The following AFG1L variants were observed in gnomAD, a reference collection of about 807,000 sequenced individuals.
AFG1L encodes AFG1-like ATPase.
Under a neutral mutation model 62.2 loss-of-function variants are expected in AFG1L, and 53 were observed. The observed-to-expected ratio is 0.85, with a 90% CI of 0.68 to 1.07. AFG1L has a LOEUF of 1.07. Among genes scored for constraint, AFG1L ranks in the 50% least tolerant of loss-of-function variants. The pLI is 0.00. For missense variants in AFG1L, 555 were observed against 590.5 expected (o/e 0.94, Z 0.62); for synonymous variants, 228 against 210.3 (o/e 1.08, Z -0.73).
At chr6:108,485,660 T>A (rs2355853) in intron 10 of AFG1L, among the ~76,000 whole-genome samples, 793 of 16,806 alleles carry the variant, frequency 0.047, 2 homozygotes, top group Non-Finnish European at 0.06. Flanking sequence ...ATATATATTT[T>A]TTTTTTTTTT....
At chr6:108,318,159 G>T in intron 1 of AFG1L, 1 of 218,180 alleles carries the variant, frequency 4.6e-6, no homozygotes, top group East Asian at 1.2e-4. Flanking sequence ...GCCAAGATCA[G>T]GATAAGAAGG....
chr6:108,489,439 CAT>C (rs1433055381), intron 10 of AFG1L, among the ~76,000 whole-genome samples: 2 of 152,198 alleles, frequency 1.3e-5, no homozygotes, highest in Admixed American at 6.5e-5. Context: ...TACCTGCTAA[CAT>C]AGCAACAACA....
At chr6:108,473,232 G>A (rs1452897649) in intron 8 of AFG1L, among the ~76,000 whole-genome samples, 1 of 152,138 alleles carries the variant, frequency 6.6e-6, no homozygotes, top group Non-Finnish European at 1.5e-5. Flanking sequence ...AGAAAATCAA[G>A]TATTGTAATT....
At chr6:108,466,200 C>T (rs1323082878) in intron 8 of AFG1L, among the ~76,000 whole-genome samples, 1 of 152,150 alleles carries the variant, frequency 6.6e-6, no homozygotes, top group Non-Finnish European at 1.5e-5. Flanking sequence ...TTTTGTATCA[C>T]TGGTGGGAGT....
chr6:108,451,994 C>T (rs994102402), intron 8 of AFG1L, among the ~76,000 whole-genome samples: 1 of 152,110 alleles, frequency 6.6e-6, no homozygotes, highest in Non-Finnish European at 1.5e-5. Context: ...GAATTACAGG[C>T]GTTGAGCCAC....
At chr6:108,345,963 G>C (rs1778847575) in intron 2 of AFG1L, among the ~76,000 whole-genome samples, 1 of 152,180 alleles carries the variant, frequency 6.6e-6, no homozygotes, top group Non-Finnish European at 1.5e-5. Flanking sequence ...TAATTGCTGA[G>C]AATGAACCTA....
At chr6:108,418,500 A>G (rs1770433543) in intron 7 of AFG1L, among the ~76,000 whole-genome samples, 1 of 152,050 alleles carries the variant, frequency 6.6e-6, no homozygotes, top group South Asian at 2.1e-4. Flanking sequence ...TTTTTTTTCT[A>G]TGAAGTATGA....
chr6:108,515,690 C>CA (rs538002209), intron 11 of AFG1L, among the ~76,000 whole-genome samples: 3 of 152,032 alleles, frequency 2.0e-5, no homozygotes, highest in East Asian at 3.9e-4. Context: ...AAAAACCCTT[C>CA]AAAAAATCAA....
chr6:108,470,529 C>T (rs780550193), intron 8 of AFG1L, among the ~76,000 whole-genome samples: 2 of 152,246 alleles, frequency 1.3e-5, no homozygotes, highest in Non-Finnish European at 2.9e-5. Context: ...CAACTTTGTG[C>T]CTTAATTGTA....
At chr6:108,489,424 T>G (rs1395159515) in intron 10 of AFG1L, among the ~76,000 whole-genome samples, 1 of 152,148 alleles carries the variant, frequency 6.6e-6, no homozygotes, top group Non-Finnish European at 1.5e-5. Flanking sequence ...GCTAACCAAG[T>G]TAATTACCTG....
At chr6:108,454,010 G>T (rs1486867092) in intron 8 of AFG1L, among the ~76,000 whole-genome samples, 2 of 152,114 alleles carry the variant, frequency 1.3e-5, no homozygotes, top group African/African-American at 2.4e-5. Flanking sequence ...GTTTCAATAC[G>T]TTGTGCTAGA....
chr6:108,386,939 T>G (rs1482568346), intron 6 of AFG1L, among the ~76,000 whole-genome samples: 4 of 151,994 alleles, frequency 2.6e-5, no homozygotes, highest in African/African-American at 7.3e-5. Flanking sequence ...TGTATTCAAA[T>G]AATCCAAAAA....
At chr6:108,480,027 G>A (rs1242097823) in intron 10 of AFG1L, among the ~76,000 whole-genome samples, 1 of 152,132 alleles carries the variant, frequency 6.6e-6, no homozygotes, top group Non-Finnish European at 1.5e-5. Context: ...GGAAGCCCTT[G>A]ACATATGCCA....
chr6:108,463,829 A>G (rs773525313), intron 8 of AFG1L, among the ~76,000 whole-genome samples: 8 of 152,222 alleles, frequency 5.3e-5, no homozygotes, highest in Non-Finnish European at 5.9e-5. Flanking sequence ...AACCTACAGG[A>G]TTTGAAATGC....
chr6:108,396,689 C>A (rs1582511777), intron 6 of AFG1L, among the ~76,000 whole-genome samples: 1 of 152,158 alleles, frequency 6.6e-6, no homozygotes, highest in Middle Eastern at 3.4e-3. Flanking sequence ...TGGAGTTTCA[C>A]CATGTTGGCC....
At chr6:108,436,603 C>A (rs1020897584) in intron 7 of AFG1L, among the ~76,000 whole-genome samples, 1 of 152,170 alleles carries the variant, frequency 6.6e-6, no homozygotes, top group Non-Finnish European at 1.5e-5. Context: ...AACCTCCCAA[C>A]AAGCCCATGT....
intron 6 of AFG1L, among the ~76,000 whole-genome samples, chr6:108,393,983 GC>G (rs11284755): frequency 0.1 from 15,166 of 151,800 alleles, 1,093 homozygotes; most frequent in African/African-American, 0.2. Flanking sequence ...GTTTCCTCTT[GC>G]CCTTTTCTCT....
chr6:108,392,409 C>G (rs979102041), intron 6 of AFG1L, among the ~76,000 whole-genome samples: 2 of 152,048 alleles, frequency 1.3e-5, no homozygotes, highest in African/African-American at 4.8e-5. Context: ...CTTGTTTAGA[C>G]TTGGGTCTTA....
At chr6:108,483,321 C>A (rs1027170730) in intron 10 of AFG1L, among the ~76,000 whole-genome samples, 1 of 151,988 alleles carries the variant, frequency 6.6e-6, no homozygotes, top group Non-Finnish European at 1.5e-5. Context: ...TTAAATTTTT[C>A]TCAGTTTTAA....
Sources: allele counts gnomAD v4.1 joint callset (sites outside exome capture counted in the v4.1 genomes callset), GRCh38; gene constraint gnomAD v4.1.1; transcripts MANE v1.5; gene names NCBI Gene and HGNC (gene_info 2026-07-23, HGNC 2026-07-21).